The following SNTG1 variants were observed in gnomAD, a reference collection of about 807,000 sequenced individuals.
SNTG1 encodes gamma-1-syntrophin.
In SNTG1, 39 loss-of-function variants were observed where a neutral mutation model predicts 74.7. That is an observed-to-expected ratio of 0.52 (90% CI 0.40 to 0.68). SNTG1 has a LOEUF of 0.68. Among genes scored for constraint, SNTG1 ranks in the 30% least tolerant of loss-of-function variants. The pLI, the probability that SNTG1 is intolerant of heterozygous loss-of-function variation, is 0.00. For synonymous variants in SNTG1, 254 were observed against 217.1 expected (o/e 1.17, Z -1.49); for missense variants, 685 against 609.5 (o/e 1.12, Z -1.30).
chr8:50,014,908 C>G (rs1004213605), intron 1 of SNTG1, among the ~76,000 whole-genome samples: 1 of 151,116 alleles, frequency 6.6e-6, no homozygotes, highest in African/African-American at 2.4e-5. Context: ...AGCTACAAGA[C>G]ACGTTAAGGG....
intron 2 of SNTG1, among the ~76,000 whole-genome samples, chr8:50,187,908 C>T (rs2083440487): frequency 6.6e-6 from 1 of 152,108 alleles, no homozygotes; most frequent in Non-Finnish European, 1.5e-5. Context: ...GGAAGTGGTT[C>T]CATGTTAGCA....
chr8:49,965,949 G>A (rs1045711563), intron 1 of SNTG1, among the ~76,000 whole-genome samples: 4 of 152,054 alleles, frequency 2.6e-5, no homozygotes, highest in African/African-American at 9.7e-5. Context: ...TGCTGTTTCA[G>A]TGTTTTATGC....
At chr8:49,993,385 CGTT>C (rs1488078387) in intron 1 of SNTG1, among the ~76,000 whole-genome samples, 7 of 144,898 alleles carry the variant, frequency 4.8e-5, no homozygotes, top group African/African-American at 1.5e-4. Context: ...TTTTTGTCGT[CGTT>C]GTTGTTTTAT....
At chr8:50,247,221 T>G (rs898287774) in intron 2 of SNTG1, among the ~76,000 whole-genome samples, 2 of 152,188 alleles carry the variant, frequency 1.3e-5, no homozygotes, top group African/African-American at 4.8e-5. Flanking sequence ...GTCTCATCCC[T>G]TCTTATAATG....
intron 1 of SNTG1, among the ~76,000 whole-genome samples, chr8:50,064,654 T>C (rs895568532): frequency 6.6e-6 from 1 of 152,206 alleles, no homozygotes; most frequent in Non-Finnish European, 1.5e-5. Context: ...TCATTTCTCC[T>C]GAATATGGGT....
At chr8:50,774,377 C>T (rs1033019043) in intron 18 of SNTG1, among the ~76,000 whole-genome samples, 4 of 151,688 alleles carry the variant, frequency 2.6e-5, no homozygotes, top group African/African-American at 9.7e-5. Flanking sequence ...TCACAACATG[C>T]AAAGAGTCGT....
chr8:50,325,364 A>G (rs2090703145), intron 2 of SNTG1, among the ~76,000 whole-genome samples: 1 of 152,010 alleles, frequency 6.6e-6, no homozygotes, highest in Admixed American at 6.6e-5. Flanking sequence ...ACAATACTTT[A>G]TTAATTTAGT....
chr8:50,004,757 C>A (rs1815056362), intron 1 of SNTG1, among the ~76,000 whole-genome samples: 2 of 152,148 alleles, frequency 1.3e-5, no homozygotes, highest in Admixed American at 1.3e-4. Flanking sequence ...AAATAACTTC[C>A]AGAAGAAATC....
chr8:50,186,062 T>A (rs891480689), intron 2 of SNTG1, among the ~76,000 whole-genome samples: 1 of 152,136 alleles, frequency 6.6e-6, no homozygotes, highest in Non-Finnish European at 1.5e-5. Flanking sequence ...GTGTTCTCAT[T>A]GTTGAACTCC....
chr8:50,654,603 A>G (rs555036890), intron 13 of SNTG1, among the ~76,000 whole-genome samples: 3 of 152,260 alleles, frequency 2.0e-5, no homozygotes, highest in African/African-American at 4.8e-5. Context: ...GATGTACTTC[A>G]TGAAGTTTTA....
Position 49,962,884 on chromosome 8 carries a change from C to T in SNTG1, c.-103+50653C>T, listed in dbSNP as rs115916917. On this transcript the variant is annotated intron_variant, in intron 1 of 18. Transcript: ENST00000642720. ...CTGGGATTATAGGCATGAGCCACTGCGCCCAACAAAGAGTGGTTCTAACCA... is the reference window on the plus strand; with the variant it reads ...CTGGGATTATAGGCATGAGCCACTGTGCCCAACAAAGAGTGGTTCTAACCA... Among the ~76,000 whole-genome samples the T allele has an allele frequency of 8.1e-3, 1,229 of 152,286 alleles. 22 individuals carry two copies. The highest frequency in any genetic ancestry group is 0.028 in the African/African-American group (1,143 of 41,554).
At chr8:50,395,566 C>T (rs1204108482) in intron 3 of SNTG1, among the ~76,000 whole-genome samples, 1 of 144,188 alleles carries the variant, frequency 6.9e-6, no homozygotes, top group African/African-American at 2.6e-5. Context: ...TGCAGTGGCG[C>T]GATCTCGGCT....
At chr8:50,060,690 A>G (rs2130933850) in intron 1 of SNTG1, among the ~76,000 whole-genome samples, 1 of 152,186 alleles carries the variant, frequency 6.6e-6, no homozygotes, top group Admixed American at 6.5e-5. Context: ...AAACACCTAC[A>G]GCTTTTTAAA....
chr8:50,233,890 A>G (rs1216877949), intron 2 of SNTG1, among the ~76,000 whole-genome samples: 1 of 151,930 alleles, frequency 6.6e-6, no homozygotes, highest in African/African-American at 2.4e-5. Context: ...AAAGTTACTG[A>G]TAACTCCAAA....
intron 1 of SNTG1, among the ~76,000 whole-genome samples, chr8:49,965,184 A>T (rs1337352714): frequency 6.6e-6 from 1 of 152,084 alleles, no homozygotes; most frequent in Non-Finnish European, 1.5e-5. Context: ...GCTTATACCT[A>T]TGAGGGTGAT....
intron 1 of SNTG1, among the ~76,000 whole-genome samples, chr8:50,046,154 T>G (rs203964): frequency 0.72 from 109,114 of 152,142 alleles, 42,500 homozygotes; most frequent in East Asian, 0.88. Flanking sequence ...AATAATATCC[T>G]TCTTTCGACA....
intron 8 of SNTG1, chr8:50,458,166 AAATC>A (rs1382484470): frequency 6.6e-6 from 1 of 150,910 alleles, no homozygotes; most frequent in Non-Finnish European, 1.5e-5. Context: ...GATTTGAAGA[AAATC>A]AACCACATCA....
chr8:50,517,131 G>A (rs1440153938), intron 9 of SNTG1, among the ~76,000 whole-genome samples: 1 of 152,060 alleles, frequency 6.6e-6, no homozygotes, highest in Non-Finnish European at 1.5e-5. Context: ...AGAGAGTGGG[G>A]GCTAATATTC....
intron 2 of SNTG1, among the ~76,000 whole-genome samples, chr8:50,268,640 C>T (rs1387592913): frequency 6.7e-6 from 1 of 148,598 alleles, no homozygotes; most frequent in Non-Finnish European, 1.5e-5. Flanking sequence ...CGTATACATA[C>T]TCATACATAT....
Sources: allele counts gnomAD v4.1 joint callset (sites outside exome capture counted in the v4.1 genomes callset), GRCh38; gene constraint gnomAD v4.1.1; transcripts MANE v1.5; gene names NCBI Gene and HGNC (gene_info 2026-07-23, HGNC 2026-07-21).